RNLS: variants seen among roughly 807,000 people sequenced by gnomAD.
The protein encoded by RNLS is renalase, FAD dependent amine oxidase.
In RNLS, 39 loss-of-function variants were observed where a neutral mutation model predicts 39.8. The observed-to-expected ratio is 0.98, with a 90% confidence interval of 0.76 to 1.28. The LOEUF is 1.28. Ranked by LOEUF, RNLS falls within the 50% of genes most tolerant of loss-of-function variation. RNLS has a pLI of 0.00. For missense variants in RNLS, 410 were observed against 413.3 expected (o/e 0.99, Z 0.07); for synonymous variants, 147 against 150.7 (o/e 0.98, Z 0.18).
At chr10:88,207,361 CAGA>C in the RNLS span, among the ~76,000 whole-genome samples, 40 of 152,012 alleles carry the variant, frequency 2.6e-4, no homozygotes, top group Non-Finnish European at 4.7e-4. Context: ...TAAAAATGAG[CAGA>C]AGATTTAAAT....
chr10:88,450,942 G>A (rs1842326461), intron 4 of RNLS, among the ~76,000 whole-genome samples: 1 of 152,070 alleles, frequency 6.6e-6, no homozygotes, highest in Non-Finnish European at 1.5e-5. Context: ...AGATGGGGCT[G>A]TTTAAAAGGC....
chr10:88,284,773 C>T lies in RNLS; in HGVS notation c.*581G>A. 1.0e-6 allele frequency: 1 copy of T among 985,338 alleles called. No individual in the cohort carries two copies. 61.0% of individuals were successfully genotyped at this position (985,338 alleles called of 1,614,324 possible). On this transcript the variant is annotated 3_prime_UTR_variant, in exon 7 of 7. Coordinates refer to ENST00000331772, the MANE Select transcript of RNLS (RefSeq NM_001031709.3). Reference sequence around the variant, plus strand: ...ACTTTCTGAAAATCTGAAGGAAGGTCTCTTTATCAGTCAAGTTGCCCTCCA... The same window carrying T: ...ACTTTCTGAAAATCTGAAGGAAGGTTTCTTTATCAGTCAAGTTGCCCTCCA...
chr10:88,278,494 T>G (rs761774128), intron 6 of RNLS, among the ~76,000 whole-genome samples: 1 of 152,162 alleles, frequency 6.6e-6, no homozygotes, highest in African/African-American at 2.4e-5. Flanking sequence ...CCTGCTTACA[T>G]GTCATTGGTA....
At chr10:88,361,494 C>A (rs1210817738) in intron 5 of RNLS, among the ~76,000 whole-genome samples, 2 of 152,100 alleles carry the variant, frequency 1.3e-5, no homozygotes, top group African/African-American at 4.8e-5. Flanking sequence ...CAGAACAAAG[C>A]AGTTGTAGAG....
chr10:88,288,474 C>G (rs1016200505), intron 6 of RNLS, among the ~76,000 whole-genome samples: 2 of 152,144 alleles, frequency 1.3e-5, no homozygotes, highest in Non-Finnish European at 2.9e-5. Flanking sequence ...AGCATTCACA[C>G]ATATTCATAT....
chr10:88,497,067 T>C (rs949506179), intron 4 of RNLS, among the ~76,000 whole-genome samples: 1 of 152,042 alleles, frequency 6.6e-6, no homozygotes, highest in Non-Finnish European at 1.5e-5. Context: ...ATGAACCTGA[T>C]TGCTAGTAGC....
At chr10:88,526,925 C>T (rs904740764) in intron 4 of RNLS, among the ~76,000 whole-genome samples, 6 of 148,278 alleles carry the variant, frequency 4.0e-5, no homozygotes, top group Non-Finnish European at 9.2e-5. Flanking sequence ...CCAGGTGTCT[C>T]TGGAGGCACC....
At chr10:88,582,171 A>G in intron 2 of RNLS, 31 bp downstream of exon 2, 1 of 1,528,474 alleles carries the variant, frequency 6.5e-7, no homozygotes, top group Non-Finnish European at 9.0e-7. Flanking sequence ...ACAACTGCTA[A>G]GATTGATTCC....
At chr10:88,435,049 A>G (rs1408342680) in intron 4 of RNLS, among the ~76,000 whole-genome samples, 1 of 151,982 alleles carries the variant, frequency 6.6e-6, no homozygotes, top group Non-Finnish European at 1.5e-5. Flanking sequence ...TTTGTAAAGG[A>G]CAGAGCAGTT....
chr10:88,438,524 ATTTG>A (rs1841536825), intron 4 of RNLS, among the ~76,000 whole-genome samples: 1 of 152,134 alleles, frequency 6.6e-6, no homozygotes, highest in Non-Finnish European at 1.5e-5. Context: ...GCTTTTAGGA[ATTTG>A]TTTATTACTG....
At chr10:88,397,762 A>C (rs994517022) in intron 4 of RNLS, among the ~76,000 whole-genome samples, 1 of 151,932 alleles carries the variant, frequency 6.6e-6, no homozygotes. Context: ...AAATTCACAC[A>C]GCTAAAATAG....
chr10:88,300,349 A>G (rs1430693019), intron 6 of RNLS, among the ~76,000 whole-genome samples: 1 of 152,248 alleles, frequency 6.6e-6, no homozygotes, highest in Non-Finnish European at 1.5e-5. Flanking sequence ...TTATCATGGT[A>G]TACAAAAGTG....
At chr10:88,205,455 G>A in the RNLS span, among the ~76,000 whole-genome samples, 11 of 152,108 alleles carry the variant, frequency 7.2e-5, no homozygotes, top group Admixed American at 6.6e-4. Flanking sequence ...CAGTAATGGA[G>A]TTTGCTAGGA....
chr10:88,364,280 A>C (rs1391891600), intron 4 of RNLS, among the ~76,000 whole-genome samples: 3 of 152,162 alleles, frequency 2.0e-5, no homozygotes, highest in Non-Finnish European at 4.4e-5. Flanking sequence ...GATGAGGGGG[A>C]AACTTTAGTT....
rs1442925226 is a variant in RNLS, at chr10:88,582,220, T to C, written c.206A>G (p.Tyr69Cys). 1.9e-6 allele frequency: 3 copies of C among 1,613,746 alleles called. No homozygotes were observed. The highest frequency in any genetic ancestry group is 2.7e-5 in the African/African-American group (2 of 75,046). Residue 69 changes from tyrosine (Y) to cysteine (C), a missense_variant, in exon 2 of 7, where the codon TAT (tyrosine) becomes TGT (cysteine). Coordinates refer to ENST00000331772, the MANE Select transcript of RNLS (RefSeq NM_001031709.3). ...GAQYITCTPH[Y>C]AKKHQRFYDE... ...AACTCACCGTTGGTGTTTTTTGGCA[T>C]AATGAGGAGTGCAGGTGATGTACTG...
chr10:88,293,086 A>C (rs1843792435), intron 6 of RNLS, among the ~76,000 whole-genome samples: 1 of 151,598 alleles, frequency 6.6e-6, no homozygotes, highest in South Asian at 2.1e-4. Flanking sequence ...ATTTTCATCC[A>C]CTCCAATGTC....
chr10:88,550,324 G>A (rs1216646991), intron 4 of RNLS, among the ~76,000 whole-genome samples: 10 of 152,160 alleles, frequency 6.6e-5, no homozygotes, highest in Non-Finnish European at 1.0e-4. Flanking sequence ...TGTAACTTAT[G>A]TAGATATTAG....
the RNLS span, among the ~76,000 whole-genome samples, chr10:88,175,187 A>AT: frequency 1.4e-4 from 21 of 150,356 alleles, no homozygotes; most frequent in East Asian, 2.5e-3. Context: ...GATTTTGTTT[A>AT]TTTTTTCAAA....
intron 4 of RNLS, among the ~76,000 whole-genome samples, chr10:88,393,627 T>G (rs1852357330): frequency 6.6e-6 from 1 of 152,112 alleles, no homozygotes. Context: ...CCAAGGTAAT[T>G]TATAGATTCA....
Sources: gnomAD v4.1 joint callset for allele counts (sites outside exome capture counted in the v4.1 genomes callset) on GRCh38, gnomAD v4.1.1 for gene constraint, MANE v1.5 for transcripts, NCBI Gene and HGNC (gene_info 2026-07-23, HGNC 2026-07-21) for gene names.